CALY: variants seen among roughly 807,000 people sequenced by gnomAD.
CALY encodes neuron-specific vesicular protein calcyon.
Under a neutral mutation model 20.2 loss-of-function variants are expected in CALY, and 15 were observed. The observed-to-expected ratio is 0.74, with a 90% CI of 0.50 to 1.14. The LOEUF is 1.14. Ranked by LOEUF, CALY falls within the 50% of genes most tolerant of loss-of-function variation. The probability of loss-of-function intolerance (pLI) is 0.00; values close to 1 mark genes in which losing one functional copy is unlikely to be tolerated. For synonymous variants in CALY, 129 were observed against 131.8 expected (o/e 0.98, Z 0.15); for missense variants, 270 against 304.4 (o/e 0.89, Z 0.84).
rs754965632 is a variant in CALY at position 133,326,970 on chromosome 10, C to T, written c.268G>A (p.Ala90Thr). ...GRRLPTARMI[A>T]FAMALLGCVL... The stretch of plus-strand genomic sequence containing the variant: ...CAGCCCAGTAGCGCCATGGCGAAGG[C>T]GATCATCCGTGCGGTGGGCAGCTGG... The change falls in exon 4 of 6, where the codon GCC becomes ACC. Residue 90 changes from alanine (A) to threonine (T), a missense_variant. Coordinates refer to ENST00000252939, the MANE Select transcript of CALY (RefSeq NM_015722.4). 8 of 1,609,354 alleles carry T rather than the reference C, an allele frequency of 5.0e-6. No homozygotes were observed. The highest frequency in any genetic ancestry group is 1.7e-5 in the Admixed American group (1 of 59,470).
intron 1 of CALY, among the ~76,000 whole-genome samples, chr10:133,332,828 G>A (rs1242389587): frequency 6.6e-6 from 1 of 152,132 alleles, no homozygotes; most frequent in East Asian, 1.9e-4. Flanking sequence ...TGTAGACGGA[G>A]CAGAGATTGG....
At chr10:133,329,691 C>T (rs761997774) in intron 1 of CALY, among the ~76,000 whole-genome samples, 1 of 152,110 alleles carries the variant, frequency 6.6e-6, no homozygotes, top group Non-Finnish European at 1.5e-5. Context: ...CTCCTAAAGC[C>T]GACAATCCCG....
intron 1 of CALY, among the ~76,000 whole-genome samples, chr10:133,331,428 G>A (rs1274604136): frequency 6.6e-6 from 1 of 152,194 alleles, no homozygotes; most frequent in Non-Finnish European, 1.5e-5. Flanking sequence ...TGGCAAGGTT[G>A]TTGGATTTAA....
chr10:133,329,026 A>G lies in CALY; in HGVS notation c.-20-17T>C. On this transcript the variant is annotated splice_polypyrimidine_tract_variant and intron_variant, in intron 1 of 5. Transcript: ENST00000252939. Reference sequence around the variant, plus strand: ...GTCCTTGTCCTGTCCAAAGACAGACAGAGTCACTGCCCACAGGCTGCCCCC... The same window carrying G: ...GTCCTTGTCCTGTCCAAAGACAGACGGAGTCACTGCCCACAGGCTGCCCCC... 9 of 1,519,928 alleles carry G rather than the reference A, an allele frequency of 5.9e-6. No homozygotes were observed. The highest frequency in any genetic ancestry group is 8.0e-6 in the Non-Finnish European group (9 of 1,130,166). 94.2% of individuals were successfully genotyped at this position (1,519,928 alleles called of 1,614,324 possible).
Position 133,325,908 on chromosome 10 carries a change from G to A in CALY, c.573C>T (p.Pro191=), listed in dbSNP as rs1848197342. 1 of 1,296,366 alleles carries A rather than the reference G, an allele frequency of 7.7e-7. No individual in the cohort carries two copies. Among genetic ancestry groups the A allele is most frequent in the South Asian group, 2.5e-5 (1 of 40,170 alleles). The allele number at this position is 1,296,366 out of a possible 1,614,324, so 80.3% of individuals were successfully genotyped here. Residue 191 remains proline, a synonymous_variant, in exon 5 of 6, where the codon CCC becomes CCT. Coordinates refer to ENST00000252939, the MANE Select transcript of CALY (RefSeq NM_015722.4). ...CCGCCTTGGCCGACGGCTTCCCGGG[G>A]GGTTCGGTGGCCGCCGCCGCCGCCC... ...QAGAAAAATE[P]PGKPSAKAEK...
intron 1 of CALY, among the ~76,000 whole-genome samples, chr10:133,330,577 G>T (rs1848288470): frequency 7.2e-6 from 1 of 138,458 alleles, no homozygotes; most frequent in Non-Finnish European, 1.5e-5. Context: ...AGAATGGCGT[G>T]AACCTGGGAG....
intron 1 of CALY, among the ~76,000 whole-genome samples, chr10:133,332,703 G>A (rs940669820): frequency 2.0e-5 from 3 of 152,184 alleles, no homozygotes; most frequent in African/African-American, 7.2e-5. Flanking sequence ...TTTGAAAATA[G>A]GGTCTTTGCA....
In CALY at chr10:133,325,870, G is replaced by A; in HGVS notation, c.611C>T (p.Ala204Val). 6.4e-6 allele frequency: 8 copies of A among 1,246,122 alleles called. No homozygotes were observed. Among genetic ancestry groups the A allele is most frequent in the Non-Finnish European group, 8.0e-6 (8 of 997,130 alleles). 77.2% of individuals were successfully genotyped at this position (1,246,122 alleles called of 1,614,324 possible). A position where few individuals can be genotyped will look rare whatever the true frequency, so the allele number is the denominator to read the frequency against. Residue 204 changes from alanine to valine, a missense_variant, in exon 5 of 6, where the codon GCG (alanine) becomes GTG (valine). By Grantham distance (64) the Ala-to-Val change is moderately conservative. Coordinates refer to ENST00000252939, the MANE Select transcript of CALY (RefSeq NM_015722.4). ...KPSAKAEKEA[A>V]RKAAGSAAPP... ...CGCCGCGCTCCCGGCCGCCTTCCGC[G>A]CCGCCTCCTTCTCCGCCTTGGCCGA...
At chr10:133,327,526 A>G (rs547137474) in intron 3 of CALY, 1 of 574,892 alleles carries the variant, frequency 1.7e-6, no homozygotes, top group African/African-American at 1.9e-5. Flanking sequence ...ACAGATTTAA[A>G]CAAGAGGATG....
intron 1 of CALY, among the ~76,000 whole-genome samples, chr10:133,331,076 A>C (rs1848298027): frequency 6.6e-6 from 1 of 152,260 alleles, no homozygotes; most frequent in African/African-American, 2.4e-5. Context: ...CAATTGCTAG[A>C]GGAGCAGAAG....
intron 1 of CALY, among the ~76,000 whole-genome samples, chr10:133,335,457 A>G (rs891545380): frequency 1.3e-5 from 2 of 152,162 alleles, no homozygotes; most frequent in Non-Finnish European, 2.9e-5. Flanking sequence ...CGGACGGCCA[A>G]TTTACGTCAT....
chr10:133,326,070 G>A lies in CALY; in HGVS notation c.411C>T (p.Asp137=), dbSNP rs1028702582. ...LTLEMYYTEM[D]PERHRSILAA... ...CCAGGATGCTGCGGTGGCGCTCGGG[G>A]TCCATCTCCGTGTAGTACATCTCCA... is the stretch of plus-strand genomic sequence containing the variant. Residue 137 remains aspartate, a synonymous_variant, in exon 5 of 6, where the codon GAC becomes GAT. Coordinates refer to ENST00000252939, the MANE Select transcript of CALY (RefSeq NM_015722.4). 40 of 1,600,426 alleles carry A rather than the reference G, an allele frequency of 2.5e-5. No homozygotes were observed. Among genetic ancestry groups the A allele is most frequent in the Non-Finnish European group, 3.2e-5 (37 of 1,172,524 alleles).
intron 1 of CALY, among the ~76,000 whole-genome samples, chr10:133,335,371 C>T (rs770982828): frequency 2.0e-5 from 3 of 152,188 alleles, no homozygotes; most frequent in African/African-American, 7.2e-5. Flanking sequence ...CCCGAACCCC[C>T]GCTCGGGCAG....
At position 133,325,786 on chromosome 10, in the gene CALY, G is replaced by A. The variant is rs1200129736; in HGVS notation, c.*28+13C>T. 2 of 1,123,414 alleles carry A rather than the reference G, an allele frequency of 1.8e-6. No homozygotes were observed. The highest frequency in any genetic ancestry group is 4.4e-5 in the Admixed American group (1 of 22,518). The allele number at this position is 1,123,414 out of a possible 1,614,324, so 69.6% of individuals were successfully genotyped here. A position where few individuals can be genotyped will look rare whatever the true frequency, so the allele number is the denominator to read the frequency against. On this transcript the variant is annotated intron_variant, in intron 5 of 5. Transcript: ENST00000252939. ...TGGGCAGAGCCGGCCGGAGCCCCGC[G>A]GCGCGCACCTACCCCGGGCCGGGCT...
At chr10:133,326,338 A>T in intron 4 of CALY, 1 of 1,430,896 alleles carries the variant, frequency 7.0e-7, no homozygotes, top group Non-Finnish European at 9.6e-7. Flanking sequence ...ACCCAGGGAG[A>T]GGGGCGCAGA....
At chr10:133,327,086 G>C in intron 3 of CALY, 95 bp from the exon 4 acceptor site, 1 of 840,284 alleles carries the variant, frequency 1.2e-6, no homozygotes, top group Non-Finnish European at 2.0e-6. Flanking sequence ...GACCATCCCC[G>C]CCCTCCAGTC....
chr10:133,331,775 A>G (rs1331154769), intron 1 of CALY, among the ~76,000 whole-genome samples: 3 of 152,208 alleles, frequency 2.0e-5, no homozygotes, highest in Non-Finnish European at 4.4e-5. Flanking sequence ...AATGAACTTG[A>G]CAAGCACTGT....
chr10:133,325,801 C>T lies in CALY; in HGVS notation c.*26G>A. On this transcript the variant is annotated splice_region_variant and 3_prime_UTR_variant, in exon 5 of 6. Transcript: ENST00000252939. Reference sequence around the variant, plus strand: ...GGAGCCCCGCGGCGCGCACCTACCCCGGGCCGGGCTGCGGGGCTGGAGACG... The same window carrying T: ...GGAGCCCCGCGGCGCGCACCTACCCTGGGCCGGGCTGCGGGGCTGGAGACG... 1 of 1,181,670 alleles carries T rather than the reference C, an allele frequency of 8.5e-7. No homozygotes were observed. Among genetic ancestry groups the T allele is most frequent in the Non-Finnish European group, 1.1e-6 (1 of 950,912 alleles). 73.2% of individuals were successfully genotyped at this position (1,181,670 alleles called of 1,614,324 possible). A position where few individuals can be genotyped will look rare whatever the true frequency, so the allele number is the denominator to read the frequency against.
chr10:133,331,918 G>A (rs1848315981), intron 1 of CALY, among the ~76,000 whole-genome samples: 1 of 152,182 alleles, frequency 6.6e-6, no homozygotes, highest in Non-Finnish European at 1.5e-5. Flanking sequence ...CACAAGATCA[G>A]GAGTTTGAGA....
Sources: gnomAD v4.1 joint callset for allele counts (sites outside exome capture counted in the v4.1 genomes callset) on GRCh38, gnomAD v4.1.1 for gene constraint, MANE v1.5 for transcripts, NCBI Gene and HGNC (gene_info 2026-07-23, HGNC 2026-07-21) for gene names.